Variants in CYP2C19 observed in about 807,000 individuals in gnomAD.
CYP2C19 encodes cytochrome P450 2C19.
Under a neutral mutation model 40.9 loss-of-function variants are expected in CYP2C19, and 59 were observed. The ratio of observed to expected loss-of-function variants is 1.44; its 90% CI spans 1.17 to 1.79. The LOEUF is 1.79. Among genes scored for constraint, CYP2C19 ranks in the 40% most tolerant of loss-of-function variants. The pLI is 0.00. For synonymous variants in CYP2C19, 253 were observed against 208.7 expected, an observed-to-expected ratio of 1.21 and a Z score of -1.83; for missense variants, 754 against 596.9, an observed-to-expected ratio of 1.26 and a Z score of -2.74.
intron 6 of CYP2C19, among the ~76,000 whole-genome samples, chr10:94,832,742 C>A (rs1849352885): frequency 6.6e-6 from 1 of 151,784 alleles, no homozygotes; most frequent in Admixed American, 6.6e-5. Context: ...TTTGACTATT[C>A]TGGGTCTTTT....
At chr10:94,809,949 T>G (rs1408266086) in intron 5 of CYP2C19, among the ~76,000 whole-genome samples, 1 of 152,140 alleles carries the variant, frequency 6.6e-6, no homozygotes, top group Non-Finnish European at 1.5e-5. Flanking sequence ...TGGCATTATC[T>G]CAGCTCACTG....
At chr10:94,832,759 C>T (rs1424476215) in intron 6 of CYP2C19, among the ~76,000 whole-genome samples, 1 of 151,646 alleles carries the variant, frequency 6.6e-6, no homozygotes, top group Non-Finnish European at 1.5e-5. Flanking sequence ...TTTTGTGGGT[C>T]CATGTCAATT....
chr10:94,843,498 G>A (rs145382454), intron 7 of CYP2C19, among the ~76,000 whole-genome samples: 1 of 152,026 alleles, frequency 6.6e-6, no homozygotes, highest in Admixed American at 6.6e-5. Context: ...CAAGTCTTTG[G>A]TTTTTCCTAG....
chr10:94,785,351 G>A (rs891646332), intron 5 of CYP2C19, among the ~76,000 whole-genome samples: 1 of 152,160 alleles, frequency 6.6e-6, no homozygotes, highest in East Asian at 1.9e-4. Context: ...GAGTGAGGTA[G>A]GGTAGGTCCC....
At chr10:94,801,570 T>C (rs1305994766) in intron 5 of CYP2C19, among the ~76,000 whole-genome samples, 1 of 152,178 alleles carries the variant, frequency 6.6e-6, no homozygotes, top group Non-Finnish European at 1.5e-5. Context: ...TATATTCTGT[T>C]GATTTGGGAT....
intron 5 of CYP2C19, among the ~76,000 whole-genome samples, chr10:94,782,309 A>G (rs1211349573): frequency 6.6e-6 from 1 of 152,098 alleles, no homozygotes. Flanking sequence ...TTAAATTTAA[A>G]AGAAAATAAA....
chr10:94,768,526 G>T (rs77471747), intron 1 of CYP2C19, among the ~76,000 whole-genome samples: 3,308 of 152,250 alleles, frequency 0.022, 117 homozygotes, highest in African/African-American at 0.074. Flanking sequence ...AGTCCCTCAA[G>T]GAGTAGCACC....
In CYP2C19 at chr10:94,842,891, T is replaced by A; in HGVS notation, c.1016T>A (p.Met339Lys). Residue 339 changes from methionine (M) to lysine (K), a missense_variant, in exon 7 of 9, where the codon ATG becomes AAG. By Grantham distance (95) the Met-to-Lys change is moderately conservative (BLOSUM62 -1). Transcript: ENST00000371321. Reference sequence around the variant, plus strand: ...ATTGGCAGAAACCGGAGCCCCTGCATGCAGGACAGGGGCCACATGCCCTAC... The same window carrying A: ...ATTGGCAGAAACCGGAGCCCCTGCAAGCAGGACAGGGGCCACATGCCCTAC... The part of the protein sequence containing the change: ...RVIGRNRSPC[M>K]QDRGHMPYTD... The A allele has an allele frequency of 3.7e-6, 6 of 1,614,204 alleles. No homozygotes were observed. The highest frequency in any genetic ancestry group is 5.1e-6 in the Non-Finnish European group (6 of 1,180,024).
chr10:94,815,917 C>A (rs1403627749), intron 5 of CYP2C19, among the ~76,000 whole-genome samples: 1 of 152,194 alleles, frequency 6.6e-6, no homozygotes, highest in Non-Finnish European at 1.5e-5. Flanking sequence ...ACTCTTGTTT[C>A]AGGCTCATAG....
intron 1 of CYP2C19, among the ~76,000 whole-genome samples, chr10:94,763,533 GAT>G (rs1217616272): frequency 6.6e-6 from 1 of 152,100 alleles, no homozygotes; most frequent in African/African-American, 2.4e-5. Context: ...GTGTTAATAT[GAT>G]ATGTGAATAC....
intron 1 of CYP2C19, among the ~76,000 whole-genome samples, chr10:94,766,537 A>G (rs1253769508): frequency 6.6e-6 from 1 of 152,136 alleles, no homozygotes; most frequent in Non-Finnish European, 1.5e-5. Context: ...CTGCTTAATA[A>G]TATGATGAAA....
intron 5 of CYP2C19, among the ~76,000 whole-genome samples, chr10:94,805,467 A>G (rs561925177): frequency 6.6e-6 from 1 of 152,322 alleles, no homozygotes; most frequent in Non-Finnish European, 1.5e-5. Context: ...AAGTTTCTGT[A>G]TTAATCATTT....
At chr10:94,786,489 G>T (rs77921213) in intron 5 of CYP2C19, among the ~76,000 whole-genome samples, 7,250 of 152,090 alleles carry the variant, frequency 0.048, 243 homozygotes, top group South Asian at 0.11. Flanking sequence ...ATCATTGCTT[G>T]CCTGATTTTA....
intron 5 of CYP2C19, among the ~76,000 whole-genome samples, chr10:94,793,465 C>T (rs573377597): frequency 1.3e-5 from 2 of 152,274 alleles, no homozygotes; most frequent in African/African-American, 2.4e-5. Flanking sequence ...AGATTTTCTG[C>T]TCTCGTTACT....
At position 94,791,175 on chromosome 10, in the gene CYP2C19, C is replaced by T. The variant is rs181069568; in HGVS notation, c.819+9178C>T. On this transcript the variant is annotated intron_variant, in intron 5 of 8. Transcript: ENST00000371321. Reference sequence around the variant, plus strand: ...TGCGTAGAGGTGTTTATAGTAATCTCTGATGGTAGTTTGTATTTCTGTGGG... The same window carrying T: ...TGCGTAGAGGTGTTTATAGTAATCTTTGATGGTAGTTTGTATTTCTGTGGG... 2.1e-3 allele frequency among the ~76,000 whole-genome samples: 315 copies of T among 152,202 alleles called. 5 individuals are homozygous for T. The highest frequency in any genetic ancestry group is 6.8e-3 in the Middle Eastern group (2 of 294).
intron 5 of CYP2C19, 52 bp downstream of exon 5, chr10:94,782,049 C>A: frequency 7.0e-7 from 1 of 1,435,144 alleles, no homozygotes; most frequent in South Asian, 1.4e-5. Context: ...ATTTGTGATT[C>A]ATTGACTAGT....
At position 94,854,927 on chromosome 10, in the gene CYP2C19, A is replaced by G. The variant is rs529665281; in HGVS notation, c.*2013A>G. On this transcript the variant is annotated 3_prime_UTR_variant, in exon 9 of 9. Transcript: ENST00000371321. ...ACATTATACATTTTAAACATTCTTC[A>G]TTGGGAAATGAAAATGTATTAATGT... Among the ~76,000 whole-genome samples, 3 of 152,316 alleles carry G rather than the reference A, an allele frequency of 2.0e-5. No homozygotes were observed. In the East Asian group the frequency reaches 5.8e-4, roughly 29 times the overall value.
intron 6 of CYP2C19, among the ~76,000 whole-genome samples, chr10:94,830,635 A>G (rs1165526862): frequency 6.6e-6 from 1 of 152,188 alleles, no homozygotes; most frequent in African/African-American, 2.4e-5. Context: ...TCATGCTGGG[A>G]GCTGTAGACC....
chr10:94,835,370 T>C (rs371197961), intron 6 of CYP2C19, among the ~76,000 whole-genome samples: 31 of 152,316 alleles, frequency 2.0e-4, no homozygotes, highest in African/African-American at 7.2e-4. Flanking sequence ...CAGGCAAATG[T>C]AATTTTCCTT....
Sources: gnomAD v4.1 joint callset for allele counts (sites outside exome capture counted in the v4.1 genomes callset) on GRCh38, gnomAD v4.1.1 for gene constraint, MANE v1.5 for transcripts, NCBI Gene and HGNC (gene_info 2026-07-23, HGNC 2026-07-21) for gene names.